Variants in PPARGC1A observed in about 807,000 individuals in gnomAD.
PPARGC1A encodes the protein PPARG coactivator 1 alpha.
Under a neutral mutation model 88.7 loss-of-function variants are expected in PPARGC1A, and 25 were observed. That is an observed-to-expected ratio of 0.28 (90% CI 0.21 to 0.39). The LOEUF (loss-of-function observed/expected upper bound fraction) is 0.39, where lower values mean the gene tolerates loss of function less well. Among genes scored for constraint, PPARGC1A ranks in the 10% least tolerant of loss-of-function variants. The probability of loss-of-function intolerance (pLI) is 1.00; values close to 1 mark genes in which losing one functional copy is unlikely to be tolerated. For synonymous variants in PPARGC1A, 363 were observed against 355.6 expected (o/e 1.02, Z -0.24); for missense variants, 880 against 968.7 (o/e 0.91, Z 1.22).
At chr4:24,034,797 T>C in the PPARGC1A span, among the ~76,000 whole-genome samples, 2 of 152,174 alleles carry the variant, frequency 1.3e-5, no homozygotes, top group African/African-American at 2.4e-5. Context: ...AAAGACAAAA[T>C]GGCTTTTGCT....
the PPARGC1A span, among the ~76,000 whole-genome samples, chr4:24,216,145 T>G: frequency 2.3e-4 from 2 of 8,542 alleles, no homozygotes; most frequent in Non-Finnish European, 5.9e-4. Flanking sequence ...GCTAACTCTT[T>G]TTTTTTTTTT....
At chr4:24,417,411 C>A in the PPARGC1A span, among the ~76,000 whole-genome samples, 1 of 152,196 alleles carries the variant, frequency 6.6e-6, no homozygotes, top group Non-Finnish European at 1.5e-5. Context: ...TGAAACCTCA[C>A]TGATGAAGCA....
chr4:24,335,620 T>C, the PPARGC1A span, among the ~76,000 whole-genome samples: 35 of 152,234 alleles, frequency 2.3e-4, no homozygotes, highest in Non-Finnish European at 4.1e-4. Flanking sequence ...ATACGTAACT[T>C]CTTTCTGAAT....
chr4:24,440,654 T>C, the PPARGC1A span, among the ~76,000 whole-genome samples: 2 of 151,876 alleles, frequency 1.3e-5, no homozygotes, highest in East Asian at 1.9e-4. Context: ...ATAAAAAAAT[T>C]AGCTGGGCAT....
chr4:24,099,306 A>T, the PPARGC1A span, among the ~76,000 whole-genome samples: 35 of 151,614 alleles, frequency 2.3e-4, no homozygotes, highest in African/African-American at 8.4e-4. Context: ...AAAAAAAAAA[A>T]AAAGACCCCC....
At chr4:24,213,434 G>A in the PPARGC1A span, among the ~76,000 whole-genome samples, 1 of 152,082 alleles carries the variant, frequency 6.6e-6, no homozygotes, top group Admixed American at 6.5e-5. Context: ...CCAAAGTGCG[G>A]GGATTACAGC....
At chr4:24,353,904 G>T in the PPARGC1A span, among the ~76,000 whole-genome samples, 10 of 152,088 alleles carry the variant, frequency 6.6e-5, no homozygotes, top group Non-Finnish European at 1.5e-4. Flanking sequence ...TTTGGACCAG[G>T]GAAACTGCAA....
chr4:24,354,893 A>AAC, the PPARGC1A span, among the ~76,000 whole-genome samples: 1 of 151,496 alleles, frequency 6.6e-6, no homozygotes, highest in Non-Finnish European at 1.5e-5. Flanking sequence ...AAAAAAAACA[A>AAC]AAACAAACAA....
chr4:23,828,249 C>CT (rs1724344062), intron 5 of PPARGC1A, 151 bp downstream of exon 5: 1 of 790,024 alleles, frequency 1.3e-6, no homozygotes. Context: ...GGAAAGGTTT[C>CT]TTCCCCCGCT....
At chr4:24,185,499 AC>A in the PPARGC1A span, among the ~76,000 whole-genome samples, 1 of 152,186 alleles carries the variant, frequency 6.6e-6, no homozygotes, top group African/African-American at 2.4e-5. Flanking sequence ...ATATGTAGCC[AC>A]GGTTCCTTCT....
intron 1 of PPARGC1A, 40 bp downstream of exon 1, chr4:23,889,864 G>A (rs1717558435): frequency 6.2e-7 from 1 of 1,604,230 alleles, no homozygotes; most frequent in African/African-American, 1.3e-5. Context: ...TGAGGGAAGC[G>A]TCAGTTGTGG....
the PPARGC1A span, among the ~76,000 whole-genome samples, chr4:24,065,756 G>C: frequency 1.3e-5 from 2 of 152,154 alleles, no homozygotes; most frequent in Admixed American, 6.5e-5. Context: ...CCCTAGGTTA[G>C]TGGGCAGGAA....
chr4:24,016,870 A>G, the PPARGC1A span, among the ~76,000 whole-genome samples: 1 of 152,184 alleles, frequency 6.6e-6, no homozygotes, highest in African/African-American at 2.4e-5. Flanking sequence ...TTTCATAGCA[A>G]TTCTCGTATT....
chr4:24,230,439 T>G, the PPARGC1A span, among the ~76,000 whole-genome samples: 4 of 151,990 alleles, frequency 2.6e-5, no homozygotes, highest in Admixed American at 6.5e-5. Context: ...ATTTTAAAGG[T>G]AAGGGAAGAG....
the PPARGC1A span, among the ~76,000 whole-genome samples, chr4:24,444,706 T>C: frequency 6.6e-6 from 1 of 152,182 alleles, no homozygotes; most frequent in Non-Finnish European, 1.5e-5. Flanking sequence ...GAACTGATTC[T>C]GGGATAGTAG....
the PPARGC1A span, among the ~76,000 whole-genome samples, chr4:24,196,024 G>A: frequency 6.6e-6 from 1 of 152,178 alleles, no homozygotes; most frequent in African/African-American, 2.4e-5. Flanking sequence ...GAGGCCATGG[G>A]GTTTCTCTCT....
chr4:23,904,634 CCT>C (rs1462197793), upstream of PPARGC1A, among the ~76,000 whole-genome samples: 1 of 152,130 alleles, frequency 6.6e-6, no homozygotes, highest in East Asian at 1.9e-4. Context: ...CCCTTTGTCC[CCT>C]GTTATTAATA....
At chr4:24,261,807 C>T in the PPARGC1A span, among the ~76,000 whole-genome samples, 4 of 151,884 alleles carry the variant, frequency 2.6e-5, no homozygotes, top group African/African-American at 9.7e-5. Flanking sequence ...AATTTTTTTT[C>T]CTCCACCTCC....
At chr4:24,406,022 C>T in the PPARGC1A span, among the ~76,000 whole-genome samples, 5 of 152,030 alleles carry the variant, frequency 3.3e-5, no homozygotes, top group Non-Finnish European at 7.3e-5. Flanking sequence ...ATCTAAGGTT[C>T]GATTCCTAAA....
Sources: gnomAD v4.1 joint callset for allele counts (sites outside exome capture counted in the v4.1 genomes callset) on GRCh38, gnomAD v4.1.1 for gene constraint, MANE v1.5 for transcripts, NCBI Gene and HGNC (gene_info 2026-07-23, HGNC 2026-07-21) for gene names.